The following SERPINA3 variants were observed in gnomAD, a reference collection of about 807,000 sequenced individuals.
SERPINA3 encodes alpha-1-antichymotrypsin.
In SERPINA3, 32 loss-of-function variants were observed where a neutral mutation model predicts 26.8. The observed-to-expected ratio is 1.20, with a 90% CI of 0.90 to 1.61. The LOEUF is 1.61. Among genes scored for constraint, SERPINA3 ranks in the 40% most tolerant of loss-of-function variants. The pLI is 0.00. For synonymous variants in SERPINA3, 252 were observed against 206.4 expected (o/e 1.22, Z -1.89); for missense variants, 632 against 517.9 (o/e 1.22, Z -2.14).
In SERPINA3 at chr14:94,614,635, T is replaced by G; in HGVS notation, c.194T>G (p.Val65Gly). 6 of 1,614,036 alleles carry G rather than the reference T, an allele frequency of 3.7e-6. No individual in the cohort carries two copies. The highest frequency in any genetic ancestry group is 5.1e-6 in the Non-Finnish European group (6 of 1,180,010). Residue 65 changes from valine (V) to glycine (G), a missense_variant, in exon 2 of 5, where the codon GTC becomes GGC. Physicochemically the swap from Val to Gly is moderately radical, Grantham distance 109. Transcript: ENST00000393078. Reference sequence around the variant, plus strand: ...GCTTTCAGCCTGTACAAGCAGTTAGTCCTGAAGGCCCCTGATAAGAATGTC... The same window carrying G: ...GCTTTCAGCCTGTACAAGCAGTTAGGCCTGAAGGCCCCTGATAAGAATGTC... ...DFAFSLYKQL[V>G]LKAPDKNVIF... is the part of the protein sequence containing the mutation.
intron 3 of SERPINA3, among the ~76,000 whole-genome samples, chr14:94,621,369 T>C (rs1198194052): frequency 1.3e-5 from 2 of 151,078 alleles, no homozygotes; most frequent in South Asian, 2.1e-4. Flanking sequence ...CCACAGAGAA[T>C]GCTCAATAGA....
At position 94,622,747 on chromosome 14, in the gene SERPINA3, A is replaced by T. The variant is rs1188692655; in HGVS notation, c.1068+256A>T. ...CAGAGAGCCATGGACACCATTCCAC[A>T]CTATACCATTTACTATCCATGGGGG... On this transcript the variant is annotated intron_variant, in intron 4 of 4. Coordinates refer to ENST00000393078, the MANE Select transcript of SERPINA3 (RefSeq NM_001085.5). 1.1e-5 allele frequency: 6 copies of T among 538,288 alleles called. No individual in the cohort carries two copies. The East Asian group carries it at 1.7e-4, about 15-fold the overall frequency. The allele number at this position is 538,288 out of a possible 1,614,324, so 33.3% of individuals were successfully genotyped here.
chr14:94,622,846 T>G, intron 4 of SERPINA3: 1 of 363,006 alleles, frequency 2.8e-6, no homozygotes, highest in East Asian at 6.5e-5. Context: ...TAGTATCCAG[T>G]GCCTGGCTGG....
At position 94,619,017 on chromosome 14, in the gene SERPINA3, C is replaced by T. The variant is rs978138316; in HGVS notation, c.644-178C>T. 1.4e-5 allele frequency: 10 copies of T among 698,848 alleles called. No individual in the cohort carries two copies. The African/African-American group carries it at 1.8e-4, about 12-fold the overall frequency. The allele number at this position is 698,848 out of a possible 1,614,324, so 43.3% of individuals were successfully genotyped here. A position where few individuals can be genotyped will look rare whatever the true frequency, so the allele number is the denominator to read the frequency against. On this transcript the variant is annotated intron_variant, in intron 2 of 4. Coordinates refer to ENST00000393078, the MANE Select transcript of SERPINA3 (RefSeq NM_001085.5). The stretch of plus-strand genomic sequence containing the variant: ...TTCTTTTGTGGCCCTTTTCCCAATC[C>T]AAGCCTGCTGGGCTCTCCCTCACCC...
At chr14:94,620,034 T>A (rs768073080) in intron 3 of SERPINA3, 20 of 243,896 alleles carry the variant, frequency 8.2e-5, no homozygotes, top group Non-Finnish European at 1.3e-4. Flanking sequence ...ACAAATAAGT[T>A]ACGTGATATA....
At chr14:94,619,141 G>T in intron 2 of SERPINA3, 54 bp from the exon 3 acceptor site, 2 of 1,608,228 alleles carry the variant, frequency 1.2e-6, no homozygotes, top group Non-Finnish European at 1.7e-6. Flanking sequence ...AAGCAGGGTC[G>T]AGCAGGGCGA....
chr14:94,619,677 C>T (rs1025392523), intron 3 of SERPINA3: 1 of 614,658 alleles, frequency 1.6e-6, no homozygotes, highest in Non-Finnish European at 2.9e-6. Flanking sequence ...GGGGCTGAGG[C>T]TTCCTCTGAC....
At chr14:94,617,949 C>A (rs529177182) in intron 2 of SERPINA3, 2 of 152,214 alleles carry the variant, frequency 1.3e-5, no homozygotes, top group African/African-American at 4.8e-5. Flanking sequence ...AATATAAGCA[C>A]CATTCTTAGC....
At chr14:94,618,245 C>T (rs978265669) in intron 2 of SERPINA3, 1 of 152,176 alleles carries the variant, frequency 6.6e-6, no homozygotes, top group Non-Finnish European at 1.5e-5. Flanking sequence ...TCTACCTCTA[C>T]CTCTTTCAAG....
chr14:94,618,015 C>T (rs1886063710), intron 2 of SERPINA3: 1 of 152,080 alleles, frequency 6.6e-6, no homozygotes, highest in South Asian at 2.1e-4. Context: ...CTATAGTTTC[C>T]TGACCCCTGT....
At chr14:94,620,160 T>C (rs1379426095) in intron 3 of SERPINA3, among the ~76,000 whole-genome samples, 1 of 152,174 alleles carries the variant, frequency 6.6e-6, no homozygotes, top group Admixed American at 6.5e-5. Context: ...CATTAGGTGA[T>C]GTTTGAGCAT....
chr14:94,615,791 A>C (rs1482838419), intron 2 of SERPINA3, among the ~76,000 whole-genome samples: 1 of 152,230 alleles, frequency 6.6e-6, no homozygotes, highest in African/African-American at 2.4e-5. Context: ...TCCCATTGAT[A>C]GAAACTCAAC....
chr14:94,623,490 C>T, intron 4 of SERPINA3, 121 bp from the exon 5 acceptor site: 1 of 908,382 alleles, frequency 1.1e-6, no homozygotes, highest in Non-Finnish European at 1.8e-6. Flanking sequence ...CATTCAACAG[C>T]ACAAAGACAG....
chr14:94,614,903 G>C lies in SERPINA3; in HGVS notation c.462G>C (p.Thr154=), dbSNP rs763196019. 2.5e-6 allele frequency: 4 copies of C among 1,614,150 alleles called. No individual in the cohort carries two copies. The highest frequency in any genetic ancestry group is 1.1e-5 in the South Asian group (1 of 91,084). ...AACTCAGTCTGCTGGACAGGTTCAC[G>C]GAGGATGCCAAGAGGCTGTATGGCT... ...KEQLSLLDRF[T]EDAKRLYGSE... is the part of the protein sequence containing the mutation. Residue 154 remains threonine, a synonymous_variant, in exon 2 of 5, where the codon ACG becomes ACC. Coordinates refer to ENST00000393078, the MANE Select transcript of SERPINA3 (RefSeq NM_001085.5).
chr14:94,620,709 T>C (rs1262313711), intron 3 of SERPINA3, among the ~76,000 whole-genome samples: 2 of 152,114 alleles, frequency 1.3e-5, no homozygotes, highest in African/African-American at 4.8e-5. Flanking sequence ...TGAGAAGTCA[T>C]TGAGTTCTGG....
intron 3 of SERPINA3, among the ~76,000 whole-genome samples, chr14:94,620,732 G>T (rs1886169620): frequency 1.3e-5 from 2 of 152,172 alleles, no homozygotes; most frequent in Non-Finnish European, 2.9e-5. Flanking sequence ...AAATCTGAGG[G>T]TAGAGGAACT....
At chr14:94,615,155 T>C (rs922805726) in intron 2 of SERPINA3, 71 bp downstream of exon 2, 22 of 1,555,332 alleles carry the variant, frequency 1.4e-5, no homozygotes, top group Non-Finnish European at 1.8e-5. Context: ...TCAACAATGG[T>C]GTTATTAGGC....
At chr14:94,615,207 T>A in intron 2 of SERPINA3, 123 bp downstream of exon 2, 2 of 1,118,716 alleles carry the variant, frequency 1.8e-6, no homozygotes, top group Non-Finnish European at 2.7e-6. Context: ...GGGGGCAGCA[T>A]AAGCATCAAG....
chr14:94,622,712 G>C (rs1430129691), intron 4 of SERPINA3: 6 of 599,458 alleles, frequency 1.0e-5, no homozygotes, highest in Non-Finnish European at 1.8e-5. Context: ...ATGTCATCCA[G>C]GCTTGGAATC....
Sources: gnomAD v4.1 joint callset for allele counts (sites outside exome capture counted in the v4.1 genomes callset) on GRCh38, gnomAD v4.1.1 for gene constraint, MANE v1.5 for transcripts, NCBI Gene and HGNC (gene_info 2026-07-23, HGNC 2026-07-21) for gene names.